Variants in CCSER1 observed in about 807,000 individuals in gnomAD.
CCSER1 encodes coiled-coil serine rich protein 1.
A neutral mutation model predicts 82.0 loss-of-function variants in CCSER1; 41 were observed. That is an observed-to-expected ratio of 0.50 (90% confidence interval 0.39 to 0.65). CCSER1 has a LOEUF of 0.65. Ranked by LOEUF, CCSER1 falls within the 30% of genes least tolerant of loss-of-function variation. The pLI, the probability that CCSER1 is intolerant of heterozygous loss-of-function variation, is 0.00. For missense variants in CCSER1, 1,119 were observed against 1,064.2 expected (o/e 1.05, Z -0.72); for synonymous variants, 414 against 383.9 (o/e 1.08, Z -0.92).
rs1456930454 is a variant in CCSER1 at position 90,354,276 on chromosome 4, T to C, written c.1509+41229T>C. ...TTAACAGCTGAGAGTAAACAGTGTT[T>C]ACCAGCAGATTAGGGGGCTAGGGAA... is the stretch of plus-strand genomic sequence containing the variant. On this transcript the variant is annotated intron_variant, in intron 3 of 10. Coordinates refer to ENST00000509176, the MANE Select transcript of CCSER1 (RefSeq NM_001145065.2). 2.0e-5 allele frequency among the ~76,000 whole-genome samples: 3 copies of C among 152,250 alleles called. No individual in the cohort carries two copies. In the East Asian group the frequency reaches 5.8e-4, roughly 29 times the overall value.
chr4:90,923,424 C>A lies in CCSER1; in HGVS notation c.2149C>A (p.Gln717Lys). Residue 717 changes from glutamine to lysine, a missense_variant, in exon 9 of 11, where the codon CAG becomes AAG. Coordinates refer to ENST00000509176, the MANE Select transcript of CCSER1 (RefSeq NM_001145065.2). ...AFASRVDKST[Q>K]TELLCYDGLN... is the part of the protein sequence containing the mutation. ...TGCTTCAAGAGTAGATAAATCCACA[C>A]AGACTGAACTACTATGCTATGATGT... is the stretch of plus-strand genomic sequence containing the variant. The A allele has an allele frequency of 6.4e-7, 1 of 1,551,136 alleles. No homozygotes were observed. The highest frequency in any genetic ancestry group is 8.7e-7 in the Non-Finnish European group (1 of 1,146,530).
chr4:91,109,762 A>G lies in CCSER1; in HGVS notation c.2217+23768A>G, dbSNP rs1476562066. On this transcript the variant is annotated intron_variant, in intron 10 of 10. Coordinates refer to ENST00000509176, the MANE Select transcript of CCSER1 (RefSeq NM_001145065.2). ...TAACTTCAATATTCATTTCAGAGTA[A>G]TTCATAAATGTTTTAATGTAGAACT... Among the ~76,000 whole-genome samples the G allele has an allele frequency of 2.0e-5, 3 of 152,150 alleles. No homozygotes were observed. The East Asian group carries it at 5.8e-4, about 29-fold the overall frequency.
At chr4:91,165,409 C>G (rs1204409465) in intron 10 of CCSER1, among the ~76,000 whole-genome samples, 1 of 152,230 alleles carries the variant, frequency 6.6e-6, no homozygotes, top group African/African-American at 2.4e-5. Flanking sequence ...AGGAGTCAGT[C>G]TGTCCTTCTT....
At chr4:91,021,012 T>G (rs1380851613) in intron 9 of CCSER1, among the ~76,000 whole-genome samples, 1 of 152,164 alleles carries the variant, frequency 6.6e-6, no homozygotes, top group Non-Finnish European at 1.5e-5. Context: ...AAAGTTAGTG[T>G]CTTAAAGAAA....
rs560628504 is a variant in CCSER1, at chr4:90,921,108, A to G, written c.2095-2262A>G. Among the ~76,000 whole-genome samples the G allele has an allele frequency of 8.2e-4, 125 of 151,932 alleles. 1 individual carries two copies. The highest frequency in any genetic ancestry group is 2.9e-3 in the African/African-American group (121 of 41,528). The stretch of plus-strand genomic sequence containing the variant: ...TGGTACATTTTCTGTTTAATTATCT[A>G]TAAAACTCTTTTTGTACATATTAAA... On this transcript the variant is annotated intron_variant, in intron 8 of 10. Transcript: ENST00000509176.
intron 1 of CCSER1, among the ~76,000 whole-genome samples, chr4:90,160,456 TTTC>T (rs1729226614): frequency 1.3e-5 from 2 of 152,076 alleles, no homozygotes; most frequent in Admixed American, 1.3e-4. Flanking sequence ...TATCAGGAGA[TTTC>T]AGTGACAAAG....
intron 9 of CCSER1, among the ~76,000 whole-genome samples, chr4:91,065,827 T>C (rs1028649250): frequency 3.3e-5 from 5 of 151,994 alleles, no homozygotes; most frequent in Non-Finnish European, 7.4e-5. Context: ...TTTATAGTCA[T>C]TGTTTTAGAA....
chr4:90,570,563 G>A (rs1219382237), intron 5 of CCSER1, among the ~76,000 whole-genome samples: 2 of 152,092 alleles, frequency 1.3e-5, no homozygotes, highest in African/African-American at 4.8e-5. Context: ...ATGCCTCCTG[G>A]TGACCTCCTT....
intron 3 of CCSER1, among the ~76,000 whole-genome samples, chr4:90,358,305 G>A (rs1031501337): frequency 1.3e-5 from 2 of 151,990 alleles, no homozygotes; most frequent in Non-Finnish European, 2.9e-5. Context: ...TAGTCAAAGT[G>A]CTTCTGTCTC....
At chr4:90,158,967 C>T (rs1204187254) in intron 1 of CCSER1, among the ~76,000 whole-genome samples, 2 of 152,142 alleles carry the variant, frequency 1.3e-5, no homozygotes, top group African/African-American at 4.8e-5. Flanking sequence ...CCGTCTTCTG[C>T]TTCACTCACA....
intron 7 of CCSER1, among the ~76,000 whole-genome samples, chr4:90,743,013 T>C (rs966598666): frequency 6.6e-6 from 1 of 152,210 alleles, no homozygotes; most frequent in East Asian, 1.9e-4. Context: ...TGGCAGATAT[T>C]CTATTATTTA....
At chr4:91,201,624 A>G (rs1443053833) in intron 10 of CCSER1, among the ~76,000 whole-genome samples, 1 of 152,094 alleles carries the variant, frequency 6.6e-6, no homozygotes, top group Non-Finnish European at 1.5e-5. Flanking sequence ...GTTTACTATT[A>G]GTTGGACTAT....
chr4:90,253,782 C>T (rs543342477), intron 1 of CCSER1, among the ~76,000 whole-genome samples: 1 of 152,290 alleles, frequency 6.6e-6, no homozygotes, highest in South Asian at 2.1e-4. Flanking sequence ...ATCAACTTCT[C>T]AAGAGATGAC....
At chr4:90,999,881 T>G (rs1279748893) in intron 9 of CCSER1, among the ~76,000 whole-genome samples, 1 of 792 alleles carries the variant, frequency 1.3e-3, no homozygotes, top group Non-Finnish European at 3.6e-3. Context: ...TTTCTGAGGT[T>G]TTTTTTTTTT....
In CCSER1 at chr4:91,128,998, A is replaced by G. The variant is rs56965630; in HGVS notation, c.2217+43004A>G. ...AGGTATAGCGATATAAGGTGGATTC[A>G]GGGATGGTGAATTCAATCACTCAGT... On this transcript the variant is annotated intron_variant, in intron 10 of 10. Coordinates refer to ENST00000509176, the MANE Select transcript of CCSER1 (RefSeq NM_001145065.2). Among the ~76,000 whole-genome samples, 837 of 152,222 alleles carry G rather than the reference A, an allele frequency of 5.5e-3. 14 individuals are homozygous for G. The highest frequency in any genetic ancestry group is 0.049 in the South Asian group (237 of 4,822).
chr4:90,619,469 C>T (rs911050746), intron 5 of CCSER1, among the ~76,000 whole-genome samples: 6 of 151,824 alleles, frequency 4.0e-5, no homozygotes, highest in African/African-American at 1.4e-4. Flanking sequence ...TGTTTGATAC[C>T]TCTTAGACAT....
In CCSER1 at chr4:90,405,386, T is replaced by G. The variant is rs577419791; in HGVS notation, c.1603+5257T>G. 8.5e-5 allele frequency among the ~76,000 whole-genome samples: 13 copies of G among 152,314 alleles called. No homozygotes were observed. In the East Asian group the frequency reaches 2.5e-3, roughly 29 times the overall value. On this transcript the variant is annotated intron_variant, in intron 4 of 10. Coordinates refer to ENST00000509176, the MANE Select transcript of CCSER1 (RefSeq NM_001145065.2). ...TGTGTTAAATGTCCAAACCTGTGAATAATTGGTGTTCCTGGGGCAGAAGAG... is the reference window on the plus strand; with the variant it reads ...TGTGTTAAATGTCCAAACCTGTGAAGAATTGGTGTTCCTGGGGCAGAAGAG...
intron 10 of CCSER1, among the ~76,000 whole-genome samples, chr4:91,595,410 T>G (rs1473254371): frequency 6.6e-6 from 1 of 152,172 alleles, no homozygotes; most frequent in Non-Finnish European, 1.5e-5. Context: ...GAAAGTGACT[T>G]TCTTTTTAAA....
At chr4:91,573,360 C>T (rs1211970725) in intron 10 of CCSER1, among the ~76,000 whole-genome samples, 1 of 152,162 alleles carries the variant, frequency 6.6e-6, no homozygotes, top group Non-Finnish European at 1.5e-5. Context: ...CACTGCTCAG[C>T]CCCCTGGATT....
Sources: allele counts gnomAD v4.1 joint callset (sites outside exome capture counted in the v4.1 genomes callset), GRCh38; gene constraint gnomAD v4.1.1; transcripts MANE v1.5; gene names NCBI Gene and HGNC (gene_info 2026-07-23, HGNC 2026-07-21).